The following MIA2 variants were observed in gnomAD, a reference collection of about 807,000 sequenced individuals.
MIA2 encodes the protein melanoma inhibitory activity protein 2.
Under a neutral mutation model 167.8 loss-of-function variants are expected in MIA2, and 127 were observed. The ratio of observed to expected loss-of-function variants is 0.76; its 90% CI spans 0.66 to 0.88. The LOEUF is 0.88. Among genes scored for constraint, MIA2 ranks in the 40% least tolerant of loss-of-function variants. MIA2 has a pLI of 0.00. For missense variants in MIA2, 1,690 were observed against 1,624.7 expected (o/e 1.04, Z -0.69); for synonymous variants, 552 against 541.9 (o/e 1.02, Z -0.26).
intron 13 of MIA2, among the ~76,000 whole-genome samples, chr14:39,298,414 TA>T: frequency 7.1e-5 from 1 of 14,174 alleles, no homozygotes; most frequent in African/African-American, 7.8e-4. Context: ...GATTCTGTTT[TA>T]TATATATATA....
At chr14:39,295,893 T>C (rs1595214229) in intron 13 of MIA2, among the ~76,000 whole-genome samples, 1 of 152,364 alleles carries the variant, frequency 6.6e-6, no homozygotes, top group Admixed American at 6.5e-5. Flanking sequence ...TCTTATTCAA[T>C]ATTTTCCTTA....
chr14:39,300,633 C>T (rs966266755), intron 14 of MIA2, among the ~76,000 whole-genome samples: 17 of 127,196 alleles, frequency 1.3e-4, no homozygotes, highest in African/African-American at 5.3e-4. Context: ...CACTTGGACA[C>T]AGGAAGAGGA....
At chr14:39,331,225 C>G (rs1370748960) in intron 25 of MIA2, among the ~76,000 whole-genome samples, 1 of 152,002 alleles carries the variant, frequency 6.6e-6, no homozygotes, top group East Asian at 1.9e-4. Flanking sequence ...CCTTCTTTGA[C>G]TTTTTGATCT....
intron 4 of MIA2, among the ~76,000 whole-genome samples, chr14:39,250,727 T>TAC (rs1168608019): frequency 2.0e-5 from 3 of 148,234 alleles, no homozygotes; most frequent in Non-Finnish European, 4.5e-5. Flanking sequence ...TATATATATA[T>TAC]ATATATTTAA....
At position 39,247,622 on chromosome 14, in the gene MIA2, GA is replaced by G; in HGVS notation, c.1050del (p.Ala351ProfsTer9). ...TCCCAATTCCATATCATCTGATAAA[GA>G]AGCCACAGTTCCATGTACAGAAATA... Reference protein sequence around the residue: ...DFPNSISSDKEATVPCTEILT... With the variant: ...DFPNSISSDKXATVPCTEILT... On this transcript the variant is annotated frameshift_variant, in exon 4 of 29. Coordinates refer to ENST00000640607, the MANE Select transcript of MIA2 (RefSeq NM_001329214.4). LOFTEE classifies it high-confidence loss of function. 6.2e-7 allele frequency: 1 copy of G among 1,613,732 alleles called. No homozygotes were observed. Among genetic ancestry groups the G allele is most frequent in the Non-Finnish European group, 8.5e-7 (1 of 1,179,940 alleles).
At chr14:39,261,579 T>C (rs2055119135) in intron 6 of MIA2, among the ~76,000 whole-genome samples, 1 of 152,228 alleles carries the variant, frequency 6.6e-6, no homozygotes, top group African/African-American at 2.4e-5. Flanking sequence ...TCTTCCACAA[T>C]GGTTGTACTA....
At chr14:39,277,126 A>T in intron 7 of MIA2, 61 bp downstream of exon 7, 1 of 1,526,772 alleles carries the variant, frequency 6.5e-7, no homozygotes, top group Non-Finnish European at 8.8e-7. Flanking sequence ...AACAAATAAT[A>T]TGAGAAACAT....
At chr14:39,243,322 C>G (rs947015202) in intron 3 of MIA2, among the ~76,000 whole-genome samples, 1 of 151,960 alleles carries the variant, frequency 6.6e-6, no homozygotes, top group African/African-American at 2.4e-5. Context: ...CTCATTGTAT[C>G]TGGGGTACTG....
intron 13 of MIA2, among the ~76,000 whole-genome samples, chr14:39,296,842 C>T (rs1319782231): frequency 1.3e-5 from 2 of 151,454 alleles, no homozygotes; most frequent in African/African-American, 2.4e-5. Context: ...ATGGCCTGAT[C>T]TTGGCTCACT....
At chr14:39,276,901 A>C (rs1204664165) in intron 6 of MIA2, 33 bp from the exon 7 acceptor site, 6 of 1,602,264 alleles carry the variant, frequency 3.7e-6, no homozygotes, top group Non-Finnish European at 5.1e-6. Flanking sequence ...CCAAAAGTAC[A>C]TTTTTAAGAA....
At chr14:39,257,985 A>C (rs2054899836) in intron 6 of MIA2, among the ~76,000 whole-genome samples, 2 of 152,322 alleles carry the variant, frequency 1.3e-5, no homozygotes, top group South Asian at 4.1e-4. Flanking sequence ...CTTTGTAGGT[A>C]ACCTGACCTT....
At chr14:39,359,392 C>A (rs577224465) in intron 23 of MIA2, among the ~76,000 whole-genome samples, 10 of 152,134 alleles carry the variant, frequency 6.6e-5, no homozygotes, top group African/African-American at 1.2e-4. Context: ...TTTGATAAGA[C>A]CGTTGGAAAA....
chr14:39,379,623 G>T (rs991058278), intron 23 of MIA2, among the ~76,000 whole-genome samples: 2 of 152,006 alleles, frequency 1.3e-5, no homozygotes, highest in African/African-American at 4.8e-5. Context: ...AGGCTGAGGC[G>T]GGTGGATCAC....
chr14:39,357,714 T>C (rs1325978747), intron 23 of MIA2, among the ~76,000 whole-genome samples: 1 of 152,250 alleles, frequency 6.6e-6, no homozygotes, highest in Non-Finnish European at 1.5e-5. Flanking sequence ...CCATGTGTAG[T>C]GCTTCCTTCA....
At chr14:39,236,077 G>A (rs1336486500) in intron 1 of MIA2, among the ~76,000 whole-genome samples, 2 of 152,074 alleles carry the variant, frequency 1.3e-5, no homozygotes, top group Non-Finnish European at 2.9e-5. Flanking sequence ...TTGGGCGGGG[G>A]GCAGGTGCTA....
chr14:39,314,248 G>A lies in MIA2; in HGVS notation c.3120-491G>A, dbSNP rs116578376. 8.5e-3 allele frequency among the ~76,000 whole-genome samples: 1,289 copies of A among 152,044 alleles called. 19 individuals carry two copies. Among genetic ancestry groups the A allele is most frequent in the African/African-American group, 0.029 (1,183 of 41,504 alleles). On this transcript the variant is annotated intron_variant, in intron 19 of 28. Coordinates refer to ENST00000640607, the MANE Select transcript of MIA2 (RefSeq NM_001329214.4). Reference sequence around the variant, plus strand: ...TAAAAATACAAAAAATTAGTTGGTCGTGGTGGTAGGTGCCTGTAATCCCAG... The same window carrying A: ...TAAAAATACAAAAAATTAGTTGGTCATGGTGGTAGGTGCCTGTAATCCCAG...
chr14:39,346,102 C>A, intron 26 of MIA2, 76 bp downstream of exon 26: 3 of 1,240,536 alleles, frequency 2.4e-6, no homozygotes, highest in Non-Finnish European at 3.5e-6. Flanking sequence ...GAATAAAGAC[C>A]AATATAATTG....
intron 6 of MIA2, among the ~76,000 whole-genome samples, chr14:39,270,590 G>A (rs1217871850): frequency 1.3e-5 from 2 of 151,714 alleles, no homozygotes; most frequent in East Asian, 1.9e-4. Flanking sequence ...GCGTAGTGGC[G>A]TGATCATAGC....
At chr14:39,242,598 C>T (rs1408382644) in intron 3 of MIA2, among the ~76,000 whole-genome samples, 2 of 151,920 alleles carry the variant, frequency 1.3e-5, no homozygotes, top group Non-Finnish European at 2.9e-5. Context: ...GCTGGAATTA[C>T]AGGTGTGAGC....
Sources: allele counts gnomAD v4.1 joint callset (sites outside exome capture counted in the v4.1 genomes callset), GRCh38; gene constraint gnomAD v4.1.1; transcripts MANE v1.5; gene names NCBI Gene and HGNC (gene_info 2026-07-23, HGNC 2026-07-21).